Variants in CADPS2 observed in about 807,000 individuals in gnomAD.
CADPS2 encodes the protein calcium dependent secretion activator 2.
A neutral mutation model predicts 172.5 loss-of-function variants in CADPS2; 93 were observed. The ratio of observed to expected loss-of-function variants is 0.54; its 90% CI spans 0.46 to 0.64. The LOEUF (loss-of-function observed/expected upper bound fraction) is 0.64, where lower values mean the gene tolerates loss of function less well. CADPS2 is among the 30% of genes least tolerant of loss of function. The probability of loss-of-function intolerance (pLI) is 0.00; values close to 1 mark genes in which losing one functional copy is unlikely to be tolerated. For missense variants in CADPS2, 1,420 were observed against 1,565.9 expected (o/e 0.91, Z 1.57); for synonymous variants, 546 against 555.2 (o/e 0.98, Z 0.23).
chr7:122,668,523 CT>C (rs1247974554), intron 2 of CADPS2, among the ~76,000 whole-genome samples: 2 of 151,984 alleles, frequency 1.3e-5, no homozygotes, highest in East Asian at 3.9e-4. Flanking sequence ...TCAGAGTAGA[CT>C]GCTAGTAAAA....
At chr7:122,740,899 A>G (rs2092436695) in intron 1 of CADPS2, among the ~76,000 whole-genome samples, 1 of 152,180 alleles carries the variant, frequency 6.6e-6, no homozygotes, top group South Asian at 2.1e-4. Flanking sequence ...ACAAGCCTAC[A>G]TTCATAAAAA....
chr7:122,469,272 A>G (rs188890836), intron 14 of CADPS2, among the ~76,000 whole-genome samples: 46 of 152,274 alleles, frequency 3.0e-4, no homozygotes, highest in African/African-American at 1.1e-3. Context: ...TAGGTTCCCA[A>G]TTTAATTTTA....
chr7:122,536,770 T>C (rs1189807674), intron 8 of CADPS2, among the ~76,000 whole-genome samples: 10 of 152,054 alleles, frequency 6.6e-5, no homozygotes, highest in African/African-American at 2.4e-4. Flanking sequence ...ACCTCAACTC[T>C]CACATCAGAG....
rs71159791 is a variant in CADPS2, at chr7:122,345,918, C to CTTTTTTTT, written c.3505-245_3505-238dup. ...TACAGAGTTGTAGATCCGTAGATATCTTTTTTTTTTTTTTGTTAAATGGCT... is the reference window on the plus strand; with the variant it reads ...TACAGAGTTGTAGATCCGTAGATATCTTTTTTTTTTTTTTTTTTTTTTGTTAAATGGCT... On this transcript the variant is annotated intron_variant, in intron 27 of 29. Coordinates refer to ENST00000449022, the MANE Select transcript of CADPS2 (RefSeq NM_017954.11). Among the ~76,000 whole-genome samples, 66 of 138,740 alleles carry CTTTTTTTT rather than the reference C, an allele frequency of 4.8e-4. 1 individual carries two copies. The East Asian group carries it at 6.4e-3, about 13-fold the overall frequency. 91.0% of individuals were successfully genotyped at this position (138,740 alleles called of 152,430 possible).
At chr7:122,711,227 C>G (rs1158924641) in intron 2 of CADPS2, among the ~76,000 whole-genome samples, 4 of 152,034 alleles carry the variant, frequency 2.6e-5, no homozygotes, top group African/African-American at 7.2e-5. Context: ...GAAAAATGGA[C>G]TAAATATGGA....
chr7:122,486,844 C>A (rs1231167786), intron 11 of CADPS2, among the ~76,000 whole-genome samples: 5 of 152,078 alleles, frequency 3.3e-5, no homozygotes. Flanking sequence ...AACCAGCAAC[C>A]TGATCGGTCA....
chr7:122,579,279 T>C (rs1018291881), intron 7 of CADPS2, among the ~76,000 whole-genome samples: 2 of 151,736 alleles, frequency 1.3e-5, no homozygotes, highest in African/African-American at 4.8e-5. Flanking sequence ...GTTAGGGATG[T>C]TGTTAAATAT....
At chr7:122,711,760 C>G (rs2088767649) in intron 2 of CADPS2, among the ~76,000 whole-genome samples, 1 of 152,106 alleles carries the variant, frequency 6.6e-6, no homozygotes, top group African/African-American at 2.4e-5. Flanking sequence ...TCAAGCGATT[C>G]TCCTGCCTCA....
intron 14 of CADPS2, among the ~76,000 whole-genome samples, chr7:122,467,325 G>A (rs898714959): frequency 1.3e-5 from 2 of 152,080 alleles, no homozygotes; most frequent in Non-Finnish European, 2.9e-5. Flanking sequence ...ATGATCCTAC[G>A]TGATGCAATT....
intron 3 of CADPS2, among the ~76,000 whole-genome samples, chr7:122,638,768 C>G (rs1346760461): frequency 6.6e-6 from 1 of 152,214 alleles, no homozygotes; most frequent in Non-Finnish European, 1.5e-5. Flanking sequence ...TGAGGAGCTT[C>G]TCCTGTCTTC....
At chr7:122,714,269 T>C (rs2089250116) in intron 2 of CADPS2, among the ~76,000 whole-genome samples, 1 of 152,054 alleles carries the variant, frequency 6.6e-6, no homozygotes, top group African/African-American at 2.4e-5. Flanking sequence ...CAAAACGACA[T>C]GGTTAATCTG....
At chr7:122,513,813 CA>C (rs921852528) in intron 8 of CADPS2, among the ~76,000 whole-genome samples, 83 of 152,288 alleles carry the variant, frequency 5.5e-4, no homozygotes, top group African/African-American at 2.0e-3. Context: ...CCTCACCTAT[CA>C]AACGAAAGGA....
intron 28 of CADPS2, 122 bp downstream of exon 28, chr7:122,345,452 A>G: frequency 1.7e-6 from 1 of 599,098 alleles, no homozygotes; most frequent in Non-Finnish European, 2.9e-6. Context: ...TCAACTTTTT[A>G]GTATAGAAGA....
chr7:122,638,141 G>A (rs2077253588), intron 3 of CADPS2, among the ~76,000 whole-genome samples: 3 of 152,082 alleles, frequency 2.0e-5, no homozygotes, highest in Non-Finnish European at 4.4e-5. Flanking sequence ...CTGGCACCAC[G>A]TCCACATTTT....
At chr7:122,508,362 T>TA (rs1406713179) in intron 9 of CADPS2, among the ~76,000 whole-genome samples, 1 of 149,944 alleles carries the variant, frequency 6.7e-6, no homozygotes, top group Non-Finnish European at 1.5e-5. Flanking sequence ...ATTGTTTGAT[T>TA]AAAAAAACTT....
At chr7:122,799,460 G>A (rs943942491) in intron 1 of CADPS2, among the ~76,000 whole-genome samples, 7 of 151,880 alleles carry the variant, frequency 4.6e-5, no homozygotes, top group African/African-American at 1.2e-4. Flanking sequence ...AAAATTAGCC[G>A]GGCGTGGTGG....
intron 14 of CADPS2, among the ~76,000 whole-genome samples, chr7:122,451,773 T>C (rs772421399): frequency 3.3e-5 from 5 of 152,170 alleles, no homozygotes; most frequent in East Asian, 3.9e-4. Flanking sequence ...AAGTGTTTTA[T>C]AGTAGTACCA....
At chr7:122,529,423 T>C (rs1488902276) in intron 8 of CADPS2, among the ~76,000 whole-genome samples, 1 of 152,084 alleles carries the variant, frequency 6.6e-6, no homozygotes, top group Non-Finnish European at 1.5e-5. Context: ...ACAACTATTA[T>C]AAGCAGAAAT....
rs140646964 is a variant in CADPS2 at position 122,502,963 on chromosome 7, A to G, written c.1542+10286T>C. Among the ~76,000 whole-genome samples the G allele has an allele frequency of 8.1e-3, 1,226 of 152,140 alleles. 5 individuals carry two copies. Among genetic ancestry groups the G allele is most frequent in the Non-Finnish European group, 0.012 (816 of 68,006 alleles). On this transcript the variant is annotated intron_variant, in intron 9 of 29. Transcript: ENST00000449022. ...AGAGTGACCAAGATTTTCAGCCATA[A>G]CACTTATTTCATAAGAATATCTTGC...
Sources: gnomAD v4.1 joint callset for allele counts (sites outside exome capture counted in the v4.1 genomes callset) on GRCh38, gnomAD v4.1.1 for gene constraint, MANE v1.5 for transcripts, NCBI Gene and HGNC (gene_info 2026-07-23, HGNC 2026-07-21) for gene names.